The following GREM2 variants were observed in gnomAD, a reference collection of about 807,000 sequenced individuals.
The protein encoded by GREM2 is gremlin 2, DAN family BMP antagonist.
A neutral mutation model predicts 14.2 loss-of-function variants in GREM2; 11 were observed. The ratio of observed to expected loss-of-function variants is 0.78; its 90% CI spans 0.49 to 1.28. The LOEUF (loss-of-function observed/expected upper bound fraction) is 1.28, where lower values mean the gene tolerates loss of function less well. Ranked by LOEUF, GREM2 falls within the 50% of genes most tolerant of loss-of-function variation. The pLI, the probability that GREM2 is intolerant of heterozygous loss-of-function variation, is 0.00. For missense variants in GREM2, 210 were observed against 218.5 expected (o/e 0.96, Z 0.24); for synonymous variants, 98 against 97.6 (o/e 1.00, Z -0.02).
At chr1:240,563,319 A>G (rs919199617) in intron 1 of GREM2, among the ~76,000 whole-genome samples, 4 of 152,162 alleles carry the variant, frequency 2.6e-5, no homozygotes, top group Non-Finnish European at 4.4e-5. Context: ...AAATATGAAG[A>G]CTTGTGACCA....
intron 1 of GREM2, among the ~76,000 whole-genome samples, chr1:240,608,707 G>C (rs1367052936): frequency 2.0e-5 from 3 of 152,208 alleles, no homozygotes; most frequent in Non-Finnish European, 4.4e-5. Context: ...GAAATATGCT[G>C]CTGCTTTTCT....
At chr1:240,531,001 G>A (rs1337446699) in intron 1 of GREM2, 1 of 152,212 alleles carries the variant, frequency 6.6e-6, no homozygotes, top group Non-Finnish European at 1.5e-5. Context: ...AATGATGACA[G>A]ACATTTAGAA....
chr1:240,611,137 A>C (rs1398818142), intron 1 of GREM2, among the ~76,000 whole-genome samples: 1 of 152,182 alleles, frequency 6.6e-6, no homozygotes, highest in Non-Finnish European at 1.5e-5. Flanking sequence ...ATCAAACATC[A>C]ATATTTTCTT....
chr1:240,570,942 A>C (rs866500003), intron 1 of GREM2, among the ~76,000 whole-genome samples: 1 of 152,242 alleles, frequency 6.6e-6, no homozygotes, highest in Non-Finnish European at 1.5e-5. Flanking sequence ...AGGCAGGAAC[A>C]GTGCATACAG....
intron 1 of GREM2, among the ~76,000 whole-genome samples, chr1:240,607,614 C>G (rs1680053709): frequency 6.6e-6 from 1 of 152,202 alleles, no homozygotes; most frequent in Non-Finnish European, 1.5e-5. Flanking sequence ...AGACACTGAG[C>G]ACGCTCTTAG....
At chr1:240,496,126 A>G (rs897391136) in intron 1 of GREM2, among the ~76,000 whole-genome samples, 7 of 151,946 alleles carry the variant, frequency 4.6e-5, no homozygotes, top group Non-Finnish European at 8.8e-5. Flanking sequence ...TAGTAGAGAC[A>G]GGGTTTCACT....
At chr1:240,561,350 G>A (rs996772217) in intron 1 of GREM2, among the ~76,000 whole-genome samples, 1 of 152,120 alleles carries the variant, frequency 6.6e-6, no homozygotes, top group African/African-American at 2.4e-5. Context: ...GTTAAAAGAC[G>A]TGAAGGATTT....
chr1:240,502,694 G>A (rs1324973186), intron 1 of GREM2, among the ~76,000 whole-genome samples: 4 of 152,088 alleles, frequency 2.6e-5, no homozygotes, highest in African/African-American at 9.7e-5. Flanking sequence ...GAACAGCACC[G>A]ATCCTTTCAC....
chr1:240,500,819 G>A (rs995194516), intron 1 of GREM2, among the ~76,000 whole-genome samples: 4 of 152,112 alleles, frequency 2.6e-5, no homozygotes, highest in African/African-American at 9.7e-5. Flanking sequence ...GAACATTTTG[G>A]CATGTGTTTA....
chr1:240,559,085 T>A (rs961219481), intron 1 of GREM2, among the ~76,000 whole-genome samples: 1 of 152,080 alleles, frequency 6.6e-6, no homozygotes, highest in Admixed American at 6.6e-5. Context: ...TATACCAAAA[T>A]TTGACATAAA....
intron 1 of GREM2, among the ~76,000 whole-genome samples, chr1:240,518,981 A>G (rs1396251815): frequency 2.1e-5 from 3 of 145,336 alleles, no homozygotes; most frequent in Non-Finnish European, 4.6e-5. Flanking sequence ...ACAATACTCA[A>G]TGGAAACCAA....
intron 1 of GREM2, chr1:240,588,672 A>G (rs1049659421): frequency 9.9e-5 from 15 of 152,240 alleles, no homozygotes; most frequent in African/African-American, 3.6e-4. Context: ...TTTGTTGACC[A>G]GACAACTGTA....
chr1:240,535,336 C>A (rs1280397197), intron 1 of GREM2, among the ~76,000 whole-genome samples: 2 of 152,038 alleles, frequency 1.3e-5, no homozygotes, highest in African/African-American at 4.8e-5. Context: ...GAGAGCTGAG[C>A]TTTGTTCAGG....
intron 1 of GREM2, among the ~76,000 whole-genome samples, chr1:240,539,845 A>C (rs1678547863): frequency 6.6e-6 from 1 of 152,216 alleles, no homozygotes; most frequent in Non-Finnish European, 1.5e-5. Flanking sequence ...TCACACTGAC[A>C]GCAACACTTT....
chr1:240,597,843 AC>A (rs753849846), intron 1 of GREM2, among the ~76,000 whole-genome samples: 49 of 152,088 alleles, frequency 3.2e-4, no homozygotes, highest in Non-Finnish European at 5.1e-4. Context: ...CTTTTCATGC[AC>A]CCCCGAAACA....
At chr1:240,574,987 C>A (rs996529587) in intron 1 of GREM2, among the ~76,000 whole-genome samples, 1 of 151,824 alleles carries the variant, frequency 6.6e-6, no homozygotes, top group East Asian at 1.9e-4. Flanking sequence ...TGCGCCTGTA[C>A]TCCCAGGTAC....
chr1:240,554,187 G>C (rs965695477), intron 1 of GREM2, among the ~76,000 whole-genome samples: 1 of 152,132 alleles, frequency 6.6e-6, no homozygotes, highest in Non-Finnish European at 1.5e-5. Context: ...GAGGCAGGCA[G>C]ATCACCTGAG....
chr1:240,606,659 G>C (rs1680030638), intron 1 of GREM2, among the ~76,000 whole-genome samples: 1 of 150,728 alleles, frequency 6.6e-6, no homozygotes. Context: ...GTGTGGAAGA[G>C]TTAAGATTGA....
intron 1 of GREM2, among the ~76,000 whole-genome samples, chr1:240,498,326 G>T (rs542806046): frequency 6.6e-6 from 1 of 152,228 alleles, no homozygotes; most frequent in Non-Finnish European, 1.5e-5. Flanking sequence ...GGCGAAGTCA[G>T]TCTCTTCTCT....
Sources: allele counts gnomAD v4.1 joint callset (sites outside exome capture counted in the v4.1 genomes callset), GRCh38; gene constraint gnomAD v4.1.1; transcripts MANE v1.5; gene names NCBI Gene and HGNC (gene_info 2026-07-23, HGNC 2026-07-21).